Variants in ZNF471 observed in about 807,000 individuals in gnomAD.
ZNF471 encodes the protein zinc finger protein 471.
A neutral mutation model predicts 13.7 loss-of-function variants in ZNF471; 7 were observed. The ratio of observed to expected loss-of-function variants is 0.51; its 90% CI spans 0.29 to 0.96. ZNF471 has a LOEUF of 0.96. ZNF471 is among the 40% of genes least tolerant of loss of function. The pLI is 0.08. For synonymous variants in ZNF471, 218 were observed against 235.6 expected, an observed-to-expected ratio of 0.93 and a Z score of 0.68; for missense variants, 663 against 743.3, an observed-to-expected ratio of 0.89 and a Z score of 1.26.
At chr19:56,515,918 T>G (rs79884794) in intron 2 of ZNF471, among the ~76,000 whole-genome samples, 3,116 of 152,322 alleles carry the variant, frequency 0.02, 53 homozygotes, top group East Asian at 0.11. Context: ...GTTCAATGCC[T>G]TTCTCCAGCC....
Position 56,516,484 on chromosome 19 carries a change from T to A in ZNF471, c.160+83T>A. Reference sequence around the variant, plus strand: ...TTATTAAATTTGCTTTTATTATATGTAGGTCAGAATGGAATTTGGGAATGG... The same window carrying A: ...TTATTAAATTTGCTTTTATTATATGAAGGTCAGAATGGAATTTGGGAATGG... On this transcript the variant is annotated intron_variant, in intron 3 of 4. Transcript: ENST00000308031. This position sits in a 1 kb window ranked among gnomAD's most constrained non-coding sequence, Gnocchi z 4.4. 1 of 1,282,188 alleles carries A rather than the reference T, an allele frequency of 7.8e-7. No homozygotes were observed. Among genetic ancestry groups the A allele is most frequent in the South Asian group, 1.5e-5 (1 of 65,616 alleles). 79.4% of individuals were successfully genotyped at this position (1,282,188 alleles called of 1,614,324 possible).
intron 4 of ZNF471, among the ~76,000 whole-genome samples, chr19:56,523,821 T>G (rs1379629731): frequency 6.6e-6 from 1 of 152,108 alleles, no homozygotes; most frequent in African/African-American, 2.4e-5. Flanking sequence ...TGTTTTTGTT[T>G]TTTGTTTTTG....
Position 56,524,377 on chromosome 19 carries a change from G to C in ZNF471, c.310G>C (p.Asp104His). 6.2e-7 allele frequency: 1 copy of C among 1,606,700 alleles called. No homozygotes were observed. Among genetic ancestry groups the C allele is most frequent in the Non-Finnish European group, 8.5e-7 (1 of 1,178,026 alleles). Residue 104 changes from aspartate (D) to histidine (H), a missense_variant, in exon 5 of 5, where the codon GAT (aspartate) becomes CAT (histidine). Coordinates refer to ENST00000308031, the MANE Select transcript of ZNF471 (RefSeq NM_020813.4). The surrounding 1 kb of genome is among the most constrained non-coding windows in gnomAD (Gnocchi z 4.8). Reference sequence around the variant, plus strand: ...ATTACCTCTGAAGCAGTTCATGTATGATGATGCATGCATGGAGGGAATTAC... The same window carrying C: ...ATTACCTCTGAAGCAGTTCATGTATCATGATGCATGCATGGAGGGAATTAC... ...QELPLKQFMY[D>H]DACMEGITSY... is the part of the protein sequence containing the mutation.
intron 3 of ZNF471, among the ~76,000 whole-genome samples, chr19:56,517,467 T>C (rs1336566146): frequency 6.6e-6 from 1 of 152,050 alleles, no homozygotes; most frequent in African/African-American, 2.4e-5. Flanking sequence ...CACACCTGGC[T>C]AATTTTTTTG....
chr19:56,511,687 T>C, intron 2 of ZNF471, 83 bp downstream of exon 2: 1 of 1,202,512 alleles, frequency 8.3e-7, no homozygotes, highest in East Asian at 2.4e-5. Context: ...TTTTGAAAAT[T>C]CCCTGATTAA....
intron 4 of ZNF471, among the ~76,000 whole-genome samples, chr19:56,521,353 T>C (rs2147922536): frequency 6.6e-6 from 1 of 152,204 alleles, no homozygotes; most frequent in African/African-American, 2.4e-5. Flanking sequence ...AAAAAATCTC[T>C]TCTGGCTAGG....
intron 1 of ZNF471, 28 bp from the exon 2 acceptor site, chr19:56,511,489 T>C (rs2043811039): frequency 3.8e-6 from 6 of 1,561,464 alleles, no homozygotes; most frequent in Non-Finnish European, 5.3e-6. Context: ...TCTGGCCTCA[T>C]CTCTCTCTAA....
rs1007867180 is a variant in ZNF471 at position 56,528,408 on chromosome 19, T to C, written c.*2460T>C. ...TAAAAATTTTGGAACCAAAACAGTA[T>C]CTTTTTTTAAGCTAAAAAAAAAGTT... On this transcript the variant is annotated 3_prime_UTR_variant, in exon 5 of 5. Coordinates refer to ENST00000308031, the MANE Select transcript of ZNF471 (RefSeq NM_020813.4). The C allele has an allele frequency of 7.3e-6, 1 of 136,906 alleles. No homozygotes were observed. The highest frequency in any genetic ancestry group is 2.7e-5 in the African/African-American group (1 of 36,510). The allele number at this position is 136,906 out of a possible 1,614,324, so 8.5% of individuals were successfully genotyped here.
In ZNF471 at chr19:56,526,610, A is replaced by G. The variant is rs536712406; in HGVS notation, c.*662A>G. On this transcript the variant is annotated 3_prime_UTR_variant, in exon 5 of 5. Coordinates refer to ENST00000308031, the MANE Select transcript of ZNF471 (RefSeq NM_020813.4). ...GCAAGCTAAGATCCACTGGCTTGGA[A>G]TTCTCCCTGCCAGCACAGCAGTCTG... is the stretch of plus-strand genomic sequence containing the variant. 1 of 152,414 alleles carries G rather than the reference A, an allele frequency of 6.6e-6. No individual in the cohort carries two copies. Among genetic ancestry groups the G allele is most frequent in the African/African-American group, 2.4e-5 (1 of 41,558 alleles). The allele number at this position is 152,414 out of a possible 1,614,324, so 9.4% of individuals were successfully genotyped here.
chr19:56,509,801 G>A (rs2147900105), intron 1 of ZNF471: 1 of 966,886 alleles, frequency 1.0e-6, no homozygotes, highest in Non-Finnish European at 1.2e-6. Flanking sequence ...TTGTGTGAGT[G>A]GAGTAGGAGA....
Position 56,510,330 on chromosome 19 carries a change from GAA to G in ZNF471, c.-55-1185_-55-1184del, listed in dbSNP as rs560416288. The G allele has an allele frequency of 4.9e-3, 4,832 of 985,388 alleles. 17 individuals carry two copies. The highest frequency in any genetic ancestry group is 5.7e-3 in the Middle Eastern group (11 of 1,914). 61.0% of individuals were successfully genotyped at this position (985,388 alleles called of 1,614,324 possible). On this transcript the variant is annotated intron_variant, in intron 1 of 4. Coordinates refer to ENST00000308031, the MANE Select transcript of ZNF471 (RefSeq NM_020813.4). The surrounding 1 kb of genome is among the most constrained non-coding windows in gnomAD (Gnocchi z 4.3). ...TGTTTATATGTGTGAAAGAGGGAGA[GAA>G]AGACTAGTGATGTGGTTGTGTGAGA...
rs1392564580 is a variant in ZNF471 at position 56,525,410 on chromosome 19, A to C, written c.1343A>C (p.Gln448Pro). Reference sequence around the variant, plus strand: ...TTTAGCCATCATGCATCACTCACTCAGCATCAAAGAGTACATTCTGGAGAG... The same window carrying C: ...TTTAGCCATCATGCATCACTCACTCCGCATCAAAGAGTACATTCTGGAGAG... The part of the protein sequence containing the change: ...KDFSHHASLT[Q>P]HQRVHSGEKP... Residue 448 changes from glutamine (Q) to proline (P), a missense_variant, in exon 5 of 5, where the codon CAG (glutamine) becomes CCG (proline). Coordinates refer to ENST00000308031, the MANE Select transcript of ZNF471 (RefSeq NM_020813.4). The C allele has an allele frequency of 3.7e-6, 6 of 1,614,038 alleles. No homozygotes were observed. The highest frequency in any genetic ancestry group is 5.1e-6 in the Non-Finnish European group (6 of 1,180,034).
At position 56,528,029 on chromosome 19, in the gene ZNF471, C is replaced by T. The variant is rs1275645636; in HGVS notation, c.*2081C>T. 2 of 151,986 alleles carry T rather than the reference C, an allele frequency of 1.3e-5. No homozygotes were observed. The highest frequency in any genetic ancestry group is 2.9e-5 in the Non-Finnish European group (2 of 68,032). 9.4% of individuals were successfully genotyped at this position (151,986 alleles called of 1,614,324 possible). ...TGTCTTGTGCCACACATACAATACA[C>T]TAACATTAACAATAGCTGATGAGCT... is the stretch of plus-strand genomic sequence containing the variant. On this transcript the variant is annotated 3_prime_UTR_variant, in exon 5 of 5. Transcript: ENST00000308031.
intron 2 of ZNF471, among the ~76,000 whole-genome samples, chr19:56,515,018 A>C (rs2043862790): frequency 6.6e-6 from 1 of 152,238 alleles, no homozygotes; most frequent in South Asian, 2.1e-4. Context: ...AAGAAAAAAG[A>C]ATTACAAGCT....
chr19:56,528,531 C>A lies in ZNF471; in HGVS notation c.*2583C>A, dbSNP rs1457831682. On this transcript the variant is annotated 3_prime_UTR_variant, in exon 5 of 5. Coordinates refer to ENST00000308031, the MANE Select transcript of ZNF471 (RefSeq NM_020813.4). ...CTCAAGTGGCTGCAATTACAGGCAA[C>A]CAGCCTGACTTAAAACAGTATCTTA... The A allele has an allele frequency of 6.6e-6, 1 of 152,162 alleles. No individual in the cohort carries two copies. The highest frequency in any genetic ancestry group is 1.5e-5 in the Non-Finnish European group (1 of 68,036). The allele number at this position is 152,162 out of a possible 1,614,324, so 9.4% of individuals were successfully genotyped here.
At chr19:56,517,552 G>A (rs2043910377) in intron 3 of ZNF471, among the ~76,000 whole-genome samples, 3 of 151,934 alleles carry the variant, frequency 2.0e-5, no homozygotes, top group African/African-American at 7.3e-5. Context: ...TGATCTGCCC[G>A]CCTCAGCCTC....
In ZNF471 at chr19:56,529,152, A is replaced by G. The variant is rs977495578; in HGVS notation, c.*3204A>G. ...AATCCTGTAAGTTACTTTTACATTG[A>G]CAGTTCTGAAATTCATGTTGAGTGT... On this transcript the variant is annotated 3_prime_UTR_variant, in exon 5 of 5. Transcript: ENST00000308031. 1.3e-5 allele frequency: 2 copies of G among 152,218 alleles called. No individual in the cohort carries two copies. The highest frequency in any genetic ancestry group is 4.8e-5 in the African/African-American group (2 of 41,450). The allele number at this position is 152,218 out of a possible 1,614,324, so 9.4% of individuals were successfully genotyped here.
In ZNF471 at chr19:56,516,294, A is replaced by G; in HGVS notation, c.53A>G (p.Asp18Gly). ...VMPQDLVTFK[D>G]VAIDFSQEEW... ...CTTCAGGACTTAGTGACATTCAAGGATGTGGCAATAGATTTTTCCCAGGAA... is the reference window on the plus strand; with the variant it reads ...CTTCAGGACTTAGTGACATTCAAGGGTGTGGCAATAGATTTTTCCCAGGAA... Residue 18 changes from aspartate to glycine, a missense_variant, in exon 3 of 5, where the codon GAT becomes GGT. Physicochemically the swap from Asp to Gly is moderately conservative, Grantham distance 94 (BLOSUM62 -1). Transcript: ENST00000308031. This position sits in a 1 kb window ranked among gnomAD's most constrained non-coding sequence, Gnocchi z 4.4. The G allele has an allele frequency of 6.2e-7, 1 of 1,613,778 alleles. No individual in the cohort carries two copies. The highest frequency in any genetic ancestry group is 8.5e-7 in the Non-Finnish European group (1 of 1,179,782).
Position 56,528,077 on chromosome 19 carries a change from A to G in ZNF471, c.*2129A>G, listed in dbSNP as rs2044068870. 1 of 152,202 alleles carries G rather than the reference A, an allele frequency of 6.6e-6. No individual in the cohort carries two copies. The highest frequency in any genetic ancestry group is 1.5e-5 in the Non-Finnish European group (1 of 68,030). The allele number at this position is 152,202 out of a possible 1,614,324, so 9.4% of individuals were successfully genotyped here. A position where few individuals can be genotyped will look rare whatever the true frequency, so the allele number is the denominator to read the frequency against. ...GCTAAGAAAAAAAAAAAGTCTGTGC[A>G]TAGTTTTAGTGATACACCACCTCCG... On this transcript the variant is annotated 3_prime_UTR_variant, in exon 5 of 5. Transcript: ENST00000308031.
Sources: gnomAD v4.1 joint callset for allele counts (sites outside exome capture counted in the v4.1 genomes callset) on GRCh38, gnomAD v4.1.1 for gene constraint, Gnocchi (gnomAD v3.1) non-coding constraint, MANE v1.5 for transcripts, NCBI Gene and HGNC (gene_info 2026-07-23, HGNC 2026-07-21) for gene names.